The following ZNF407 variants were observed in gnomAD, a reference collection of about 807,000 sequenced individuals.
ZNF407 encodes zinc finger protein 407.
Under a neutral mutation model 131.2 loss-of-function variants are expected in ZNF407, and 17 were observed. The ratio of observed to expected loss-of-function variants is 0.13; its 90% CI spans 0.09 to 0.19. The LOEUF is 0.19. ZNF407 is among the 10% of genes least tolerant of loss of function. The pLI, the probability that ZNF407 is intolerant of heterozygous loss-of-function variation, is 1.00. For missense variants in ZNF407, 2,681 were observed against 2,830.6 expected (o/e 0.95, Z 1.20); for synonymous variants, 1,156 against 1,062.0 (o/e 1.09, Z -1.72).
intron 8 of ZNF407, among the ~76,000 whole-genome samples, chr18:74,932,135 A>G (rs968651864): frequency 6.6e-6 from 1 of 152,202 alleles, no homozygotes; most frequent in East Asian, 1.9e-4. Context: ...AATAATTTAT[A>G]TATTTTCTTC....
chr18:75,053,544 GTTTGA>G (rs1443889702), intron 8 of ZNF407, among the ~76,000 whole-genome samples: 1 of 152,048 alleles, frequency 6.6e-6, no homozygotes, highest in East Asian at 1.9e-4. Context: ...TTTGTCTTTT[GTTTGA>G]TTTTTGTTAA....
chr18:74,645,637 TTGTGTGTGTGTGTG>T (rs35047949), intron 3 of ZNF407, among the ~76,000 whole-genome samples: 4 of 145,198 alleles, frequency 2.8e-5, no homozygotes, highest in Non-Finnish European at 6.1e-5. Flanking sequence ...GTAAAACTCT[TTGTGTGTGTGTGTG>T]TGTGTGTGTG....
At chr18:74,717,119 T>C (rs1202527655) in intron 3 of ZNF407, among the ~76,000 whole-genome samples, 2 of 152,224 alleles carry the variant, frequency 1.3e-5, no homozygotes, top group African/African-American at 2.4e-5. Flanking sequence ...CTTTTAGCAT[T>C]TTCAGATTGG....
chr18:74,813,038 T>C (rs373370789), intron 4 of ZNF407, among the ~76,000 whole-genome samples: 16 of 152,330 alleles, frequency 1.1e-4, no homozygotes, highest in African/African-American at 2.4e-4. Flanking sequence ...GGTTTTTACT[T>C]ATTTTTACCC....
chr18:74,675,787 A>G (rs1050211183), intron 3 of ZNF407, among the ~76,000 whole-genome samples: 4 of 152,258 alleles, frequency 2.6e-5, no homozygotes, highest in African/African-American at 9.6e-5. Context: ...CTTTCCGACA[A>G]TTCGAGGATC....
chr18:74,741,783 T>G (rs1312676057), intron 3 of ZNF407, among the ~76,000 whole-genome samples: 1 of 152,112 alleles, frequency 6.6e-6, no homozygotes, highest in African/African-American at 2.4e-5. Flanking sequence ...CCCTCAGATA[T>G]CAGTCATAGA....
At chr18:74,825,948 A>G (rs928421413) in intron 4 of ZNF407, among the ~76,000 whole-genome samples, 1 of 152,196 alleles carries the variant, frequency 6.6e-6, no homozygotes, top group Admixed American at 6.5e-5. Context: ...GCATCTGTCT[A>G]TAAGAGCTCA....
At chr18:74,928,977 G>A (rs557437632) in intron 8 of ZNF407, among the ~76,000 whole-genome samples, 1 of 152,102 alleles carries the variant, frequency 6.6e-6, no homozygotes, top group African/African-American at 2.4e-5. Flanking sequence ...GTATAGTTTA[G>A]CGTTCTGTAA....
chr18:75,042,727 C>T (rs966142143), intron 8 of ZNF407, among the ~76,000 whole-genome samples: 7 of 152,218 alleles, frequency 4.6e-5, no homozygotes, highest in Admixed American at 4.6e-4. Flanking sequence ...CCTAGTGCCA[C>T]TCTTCAGTAA....
At chr18:74,864,119 G>A (rs1196212434) in intron 4 of ZNF407, among the ~76,000 whole-genome samples, 1 of 152,084 alleles carries the variant, frequency 6.6e-6, no homozygotes, top group Non-Finnish European at 1.5e-5. Context: ...AATTATGATG[G>A]TTGGTTGGGC....
At chr18:74,931,242 G>A (rs1971979167) in intron 8 of ZNF407, among the ~76,000 whole-genome samples, 1 of 152,096 alleles carries the variant, frequency 6.6e-6, no homozygotes, top group Non-Finnish European at 1.5e-5. Flanking sequence ...GTGCTTCAAA[G>A]GGCACCATCA....
chr18:75,052,350 A>G (rs1322465840), intron 8 of ZNF407, among the ~76,000 whole-genome samples: 3 of 152,152 alleles, frequency 2.0e-5, no homozygotes, highest in South Asian at 4.1e-4. Context: ...TTGCCCCTTC[A>G]GAATATTACG....
At chr18:74,919,375 C>T (rs1260371158) in intron 7 of ZNF407, among the ~76,000 whole-genome samples, 1 of 152,170 alleles carries the variant, frequency 6.6e-6, no homozygotes, top group Non-Finnish European at 1.5e-5. Context: ...TGTAGACCTA[C>T]ATAAAGTTCT....
At chr18:74,957,154 G>A (rs1373443164) in intron 8 of ZNF407, among the ~76,000 whole-genome samples, 3 of 152,098 alleles carry the variant, frequency 2.0e-5, no homozygotes, top group Non-Finnish European at 4.4e-5. Flanking sequence ...GACTGTGGAC[G>A]TGGGACTCCA....
intron 8 of ZNF407, among the ~76,000 whole-genome samples, chr18:75,024,317 A>G (rs1322380847): frequency 9.2e-5 from 14 of 152,162 alleles, no homozygotes; most frequent in Admixed American, 8.5e-4. Context: ...TTTATCATCT[A>G]TGTCTGTTGA....
At chr18:74,775,179 G>A (rs1969443466) in intron 3 of ZNF407, among the ~76,000 whole-genome samples, 1 of 152,192 alleles carries the variant, frequency 6.6e-6, no homozygotes, top group Admixed American at 6.5e-5. Flanking sequence ...CTTTCTGTCT[G>A]CTAGGATTGT....
At chr18:75,024,275 G>A (rs1397290224) in intron 8 of ZNF407, among the ~76,000 whole-genome samples, 1 of 152,112 alleles carries the variant, frequency 6.6e-6, no homozygotes, top group Non-Finnish European at 1.5e-5. Flanking sequence ...AATTCTGTTA[G>A]GACTGATTAA....
At chr18:74,994,713 C>G (rs1266356537) in intron 8 of ZNF407, among the ~76,000 whole-genome samples, 1 of 152,112 alleles carries the variant, frequency 6.6e-6, no homozygotes, top group Non-Finnish European at 1.5e-5. Context: ...ACCAGGAAAC[C>G]ATATGCAAAA....
At chr18:75,059,978 G>C (rs1296778397) in intron 8 of ZNF407, among the ~76,000 whole-genome samples, 2 of 152,176 alleles carry the variant, frequency 1.3e-5, no homozygotes, top group African/African-American at 4.8e-5. Flanking sequence ...AGGTAGTCAG[G>C]AGCTCTGTCC....
Sources: gnomAD v4.1 joint callset for allele counts (sites outside exome capture counted in the v4.1 genomes callset) on GRCh38, gnomAD v4.1.1 for gene constraint, MANE v1.5 for transcripts, NCBI Gene and HGNC (gene_info 2026-07-23, HGNC 2026-07-21) for gene names.